Variants in SNCB observed in about 807,000 individuals in gnomAD.
SNCB encodes synuclein beta.
SNCB carries 8 observed loss-of-function variants against 20.0 expected under a neutral mutation model. The ratio of observed to expected loss-of-function variants is 0.40; its 90% CI spans 0.24 to 0.72. SNCB has a LOEUF of 0.72. SNCB is among the 30% of genes least tolerant of loss of function. SNCB has a pLI of 0.37. For missense variants in SNCB, 125 were observed against 168.0 expected (o/e 0.74, Z 1.41); for synonymous variants, 56 against 65.4 (o/e 0.86, Z 0.69).
At chr5:176,623,662 T>C (rs533621604) in intron 4 of SNCB, among the ~76,000 whole-genome samples, 109 of 152,268 alleles carry the variant, frequency 7.2e-4, no homozygotes, top group African/African-American at 2.4e-3. Flanking sequence ...GGAGTTCCCT[T>C]TGTGAACATT....
At position 176,620,593 on chromosome 5, in the gene SNCB, G is replaced by T. The variant is rs1385348422; in HGVS notation, c.*218C>A. ...CACTGGAGGGGCGAGGCTCCCAGCC[G>T]CGACCGCAACCCTGGCCCTGTCCAT... is the stretch of plus-strand genomic sequence containing the variant. On this transcript the variant is annotated 3_prime_UTR_variant, in exon 6 of 6. Transcript: ENST00000393693. This position sits in a 1 kb window ranked among gnomAD's most constrained non-coding sequence, Gnocchi z 4.5. 2.0e-5 allele frequency: 12 copies of T among 600,168 alleles called. No individual in the cohort carries two copies. Among genetic ancestry groups the T allele is most frequent in the Non-Finnish European group, 2.1e-5 (7 of 336,670 alleles). 37.2% of individuals were successfully genotyped at this position (600,168 alleles called of 1,614,324 possible).
chr5:176,629,904 C>A lies in SNCB; in HGVS notation c.-9-241G>T. On this transcript the variant is annotated intron_variant, in intron 1 of 5. Transcript: ENST00000393693. This position sits in a 1 kb window ranked among gnomAD's most constrained non-coding sequence, Gnocchi z 4.1. Reference sequence around the variant, plus strand: ...GGGCCACTGCCTCGGTTATCCGGGCCCTGCAAACTGCAGCCCCGTCGAACC... The same window carrying A: ...GGGCCACTGCCTCGGTTATCCGGGCACTGCAAACTGCAGCCCCGTCGAACC... The A allele has an allele frequency of 5.9e-6, 3 of 506,962 alleles. No individual in the cohort carries two copies. In the South Asian group the frequency reaches 7.9e-5, roughly 13 times the overall value. The allele number at this position is 506,962 out of a possible 1,614,324, so 31.4% of individuals were successfully genotyped here.
chr5:176,627,832 G>A (rs1760071985), intron 2 of SNCB, among the ~76,000 whole-genome samples: 1 of 152,222 alleles, frequency 6.6e-6, no homozygotes, highest in Admixed American at 6.5e-5. Context: ...TGTCTGAAGT[G>A]GGTAAGAGAA....
rs376587140 is a variant in SNCB, at chr5:176,629,481, A to G, written c.121+53T>C. 1,232 of 1,590,990 alleles carry G rather than the reference A, an allele frequency of 7.7e-4. 11 individuals are homozygous for G. The African/African-American group carries it at 0.014, about 19-fold the overall frequency. On this transcript the variant is annotated intron_variant, in intron 2 of 5. Transcript: ENST00000393693. The surrounding 1 kb of genome is among the most constrained non-coding windows in gnomAD (Gnocchi z 4.1). ...CCCCGGGACCCGGCCCCAGCTCCACACTGTCGGGGGACCCCCAGCCCTGCA... is the reference window on the plus strand; with the variant it reads ...CCCCGGGACCCGGCCCCAGCTCCACGCTGTCGGGGGACCCCCAGCCCTGCA...
In SNCB at chr5:176,620,793, G is replaced by C; in HGVS notation, c.*18C>G. 6.2e-7 allele frequency: 1 copy of C among 1,603,252 alleles called. No homozygotes were observed. The highest frequency in any genetic ancestry group is 8.5e-7 in the Non-Finnish European group (1 of 1,170,008). ...ACAGGGACAGAATTGTGCTGCTGGT[G>C]GGGGCTCTCCTGGGCCCCTACGCCT... On this transcript the variant is annotated 3_prime_UTR_variant, in exon 6 of 6. Transcript: ENST00000393693. This position sits in a 1 kb window ranked among gnomAD's most constrained non-coding sequence, Gnocchi z 4.5.
At position 176,626,203 on chromosome 5, in the gene SNCB, C is replaced by A. The variant is rs546061391; in HGVS notation, c.282+195G>T. ...CATCACCGGGAGCGTCACACCCATG[C>A]ACGCCTTTATTCAGATGCATTCTGA... is the stretch of plus-strand genomic sequence containing the variant. On this transcript the variant is annotated intron_variant, in intron 4 of 5. Coordinates refer to ENST00000393693, the MANE Select transcript of SNCB (RefSeq NM_003085.5). The surrounding 1 kb of genome is among the most constrained non-coding windows in gnomAD (Gnocchi z 4.2). Among the ~76,000 whole-genome samples the A allele has an allele frequency of 7.9e-5, 12 of 152,140 alleles. No individual in the cohort carries two copies. Among genetic ancestry groups the A allele is most frequent in the Admixed American group, 7.9e-4 (12 of 15,266 alleles).
At chr5:176,628,223 G>A (rs2113411548) in intron 2 of SNCB, among the ~76,000 whole-genome samples, 2 of 152,286 alleles carry the variant, frequency 1.3e-5, no homozygotes, top group Middle Eastern at 6.8e-3. Context: ...AGCATGGCTT[G>A]GAGGGGCCAA....
chr5:176,628,361 C>T (rs577789870), intron 2 of SNCB, among the ~76,000 whole-genome samples: 43 of 152,270 alleles, frequency 2.8e-4, no homozygotes, highest in African/African-American at 9.6e-4. Context: ...TCCCGGTCTC[C>T]ATTGCCACCA....
intron 4 of SNCB, among the ~76,000 whole-genome samples, chr5:176,625,035 C>T (rs900299443): frequency 6.6e-6 from 1 of 152,170 alleles, no homozygotes; most frequent in African/African-American, 2.4e-5. Flanking sequence ...GAAGGAGCCC[C>T]CATCCCCATG....
rs781110270 is a variant in SNCB, at chr5:176,626,494, C to T, written c.186G>A (p.Gln62=). ...VASVAEKTKE[Q]ASHLGGAVFS... The stretch of plus-strand genomic sequence containing the variant: ...ACACAGCTCCTCCCAGATGTGAGGC[C>T]TGTTCCTTGGTTTTTTCAGCCACTG... The change falls in exon 4 of 6, where the codon CAG becomes CAA. Residue 62 remains glutamine, a synonymous_variant. Coordinates refer to ENST00000393693, the MANE Select transcript of SNCB (RefSeq NM_003085.5). The surrounding 1 kb of genome is among the most constrained non-coding windows in gnomAD (Gnocchi z 4.2). The T allele has an allele frequency of 3.1e-6, 5 of 1,614,044 alleles. No homozygotes were observed. The Admixed American group carries it at 8.3e-5, about 27-fold the overall frequency.
chr5:176,622,732 C>CTTTTT (rs149031370), intron 4 of SNCB, among the ~76,000 whole-genome samples: 12 of 93,552 alleles, frequency 1.3e-4, no homozygotes, highest in Non-Finnish European at 1.8e-4. Flanking sequence ...TTCATGATGA[C>CTTTTT]TTTTTTTTTT....
chr5:176,621,898 C>T lies in SNCB; in HGVS notation c.283-595G>A, dbSNP rs758637464. On this transcript the variant is annotated intron_variant, in intron 4 of 5. Transcript: ENST00000393693. The surrounding 1 kb of genome is among the most constrained non-coding windows in gnomAD (Gnocchi z 4.1). ...TGCTGCCCAGACAGGCGCAGACCAGCGGGCATGCATGTGGGCGGGCTGCCA... is the reference window on the plus strand; with the variant it reads ...TGCTGCCCAGACAGGCGCAGACCAGTGGGCATGCATGTGGGCGGGCTGCCA... Among the ~76,000 whole-genome samples the T allele has an allele frequency of 4.6e-5, 7 of 152,244 alleles. No individual in the cohort carries two copies. The highest frequency in any genetic ancestry group is 2.6e-4 in the Admixed American group (4 of 15,294).
At position 176,620,787 on chromosome 5, in the gene SNCB, G is replaced by C. The variant is rs766874185; in HGVS notation, c.*24C>G. On this transcript the variant is annotated 3_prime_UTR_variant, in exon 6 of 6. Coordinates refer to ENST00000393693, the MANE Select transcript of SNCB (RefSeq NM_003085.5). The surrounding 1 kb of genome is among the most constrained non-coding windows in gnomAD (Gnocchi z 4.5). ...GCAGGGACAGGGACAGAATTGTGCT[G>C]CTGGTGGGGGCTCTCCTGGGCCCCT... 3 of 1,600,276 alleles carry C rather than the reference G, an allele frequency of 1.9e-6. No individual in the cohort carries two copies. Among genetic ancestry groups the C allele is most frequent in the South Asian group, 1.1e-5 (1 of 90,860 alleles).
chr5:176,626,713 C>A lies in SNCB; in HGVS notation c.163+7G>T. ...GAGAAGGGCTGGTGCCAGGGCTGGGCTAGTACCTGAAGCCACACCTTGTAC... is the reference window on the plus strand; with the variant it reads ...GAGAAGGGCTGGTGCCAGGGCTGGGATAGTACCTGAAGCCACACCTTGTAC... On this transcript the variant is annotated splice_region_variant and intron_variant, in intron 3 of 5. Coordinates refer to ENST00000393693, the MANE Select transcript of SNCB (RefSeq NM_003085.5). The surrounding 1 kb of genome is among the most constrained non-coding windows in gnomAD (Gnocchi z 4.2). 1 of 1,614,032 alleles carries A rather than the reference C, an allele frequency of 6.2e-7. No individual in the cohort carries two copies. Among genetic ancestry groups the A allele is most frequent in the Non-Finnish European group, 8.5e-7 (1 of 1,179,944 alleles).
chr5:176,629,729 G>C lies in SNCB; in HGVS notation c.-9-66C>G. 1 of 1,562,524 alleles carries C rather than the reference G, an allele frequency of 6.4e-7. No individual in the cohort carries two copies. The highest frequency in any genetic ancestry group is 8.7e-7 in the Non-Finnish European group (1 of 1,150,784). On this transcript the variant is annotated intron_variant, in intron 1 of 5. Coordinates refer to ENST00000393693, the MANE Select transcript of SNCB (RefSeq NM_003085.5). The surrounding 1 kb of genome is among the most constrained non-coding windows in gnomAD (Gnocchi z 4.1). The stretch of plus-strand genomic sequence containing the variant: ...CACTCTCACCCCAGCCCCTCCCGCG[G>C]GACGCAGATGCCCCCCTACTCCCGA...
intron 4 of SNCB, among the ~76,000 whole-genome samples, chr5:176,623,090 G>A (rs978967060): frequency 7.9e-5 from 12 of 152,060 alleles, no homozygotes; most frequent in Admixed American, 7.9e-4. Context: ...GCTGATAGAA[G>A]CCAGGAAGCA....
chr5:176,620,486 G>A lies in SNCB; in HGVS notation c.*325C>T. ...CTTGGAGAGCCACTGTCGGGGATCG[G>A]GGAGGAGCCGTCGCTCGGATCTTCG... On this transcript the variant is annotated 3_prime_UTR_variant, in exon 6 of 6. Coordinates refer to ENST00000393693, the MANE Select transcript of SNCB (RefSeq NM_003085.5). The surrounding 1 kb of genome is among the most constrained non-coding windows in gnomAD (Gnocchi z 4.5). 1 of 395,688 alleles carries A rather than the reference G, an allele frequency of 2.5e-6. No homozygotes were observed. Among genetic ancestry groups the A allele is most frequent in the Non-Finnish European group, 4.6e-6 (1 of 218,106 alleles). 24.5% of individuals were successfully genotyped at this position (395,688 alleles called of 1,614,324 possible). A position where few individuals can be genotyped will look rare whatever the true frequency, so the allele number is the denominator to read the frequency against.
In SNCB at chr5:176,629,498, A is replaced by G. The variant is rs764590718; in HGVS notation, c.121+36T>C. The G allele has an allele frequency of 6.3e-7, 1 of 1,587,978 alleles. No homozygotes were observed. The highest frequency in any genetic ancestry group is 8.6e-7 in the Non-Finnish European group (1 of 1,166,862). ...AGCTCCACACTGTCGGGGGACCCCC[A>G]GCCCTGCAGCCCCAGAAACCCCGCC... On this transcript the variant is annotated intron_variant, in intron 2 of 5. Coordinates refer to ENST00000393693, the MANE Select transcript of SNCB (RefSeq NM_003085.5). This position sits in a 1 kb window ranked among gnomAD's most constrained non-coding sequence, Gnocchi z 4.1.
chr5:176,626,262 C>A lies in SNCB; in HGVS notation c.282+136G>T. The stretch of plus-strand genomic sequence containing the variant: ...TAGCACGGGCCTGCAGGATGGGAGG[C>A]AAAGTGGCTTGTGTTCCAAGCTGGT... On this transcript the variant is annotated intron_variant, in intron 4 of 5. Coordinates refer to ENST00000393693, the MANE Select transcript of SNCB (RefSeq NM_003085.5). This position sits in a 1 kb window ranked among gnomAD's most constrained non-coding sequence, Gnocchi z 4.2. The A allele has an allele frequency of 1.3e-6, 1 of 776,684 alleles. No homozygotes were observed. Among genetic ancestry groups the A allele is most frequent in the East Asian group, 2.4e-5 (1 of 40,994 alleles). 48.1% of individuals were successfully genotyped at this position (776,684 alleles called of 1,614,324 possible).
Sources: gnomAD v4.1 joint callset for allele counts (sites outside exome capture counted in the v4.1 genomes callset) on GRCh38, gnomAD v4.1.1 for gene constraint, Gnocchi (gnomAD v3.1) non-coding constraint, MANE v1.5 for transcripts, NCBI Gene and HGNC (gene_info 2026-07-23, HGNC 2026-07-21) for gene names.